Variants in MBD2 observed in about 807,000 individuals in gnomAD.
MBD2 encodes the protein methyl-CpG-binding domain protein 2.
Under a neutral mutation model 39.3 loss-of-function variants are expected in MBD2, and 9 were observed. That is an observed-to-expected ratio of 0.23 (90% CI 0.14 to 0.40). MBD2 has a LOEUF of 0.40. Among genes scored for constraint, MBD2 ranks in the 10% least tolerant of loss-of-function variants. The pLI, the probability that MBD2 is intolerant of heterozygous loss-of-function variation, is 1.00. For missense variants in MBD2, 458 were observed against 532.6 expected (o/e 0.86, Z 1.38); for synonymous variants, 233 against 211.1 (o/e 1.10, Z -0.90).
At chr18:54,218,621 A>C (rs1349777760) in intron 1 of MBD2, among the ~76,000 whole-genome samples, 2 of 152,024 alleles carry the variant, frequency 1.3e-5, no homozygotes, top group Admixed American at 6.5e-5. Context: ...GCTAACTCCC[A>C]ATCTGTAAAA....
At chr18:54,167,650 A>T (rs1308630246) in intron 3 of MBD2, among the ~76,000 whole-genome samples, 1 of 152,218 alleles carries the variant, frequency 6.6e-6, no homozygotes, top group Non-Finnish European at 1.5e-5. Context: ...TATTTATGTC[A>T]GAAGAGCAAT....
chr18:54,217,246 C>T (rs941290040), intron 1 of MBD2, among the ~76,000 whole-genome samples: 4 of 152,234 alleles, frequency 2.6e-5, no homozygotes, highest in Non-Finnish European at 5.9e-5. Context: ...TTATGTACAT[C>T]AAGTTCCCAA....
chr18:54,203,194 C>A, intron 2 of MBD2: 1 of 1,530,316 alleles, frequency 6.5e-7, no homozygotes, highest in Non-Finnish European at 8.9e-7. Flanking sequence ...CTGCACATTA[C>A]ACTTAACATA....
In MBD2 at chr18:54,177,827, C is replaced by CTTTTT. The variant is rs34113185; in HGVS notation, c.840+11042_840+11046dup. Among the ~76,000 whole-genome samples the CTTTTT allele has an allele frequency of 1.6e-3, 139 of 87,144 alleles. 1 individual carries two copies. Among genetic ancestry groups the CTTTTT allele is most frequent in the Non-Finnish European group, 2.0e-3 (97 of 48,388 alleles). The allele number at this position is 87,144 out of a possible 152,430, so 57.2% of individuals were successfully genotyped here. A position where few individuals can be genotyped will look rare whatever the true frequency, so the allele number is the denominator to read the frequency against. On this transcript the variant is annotated intron_variant, in intron 3 of 6. Coordinates refer to ENST00000256429, the MANE Select transcript of MBD2 (RefSeq NM_003927.5). ...ACAGGCACTATTTTTTTTTTCCTCT[C>CTTTTT]TTTTTTTTTTTTTTTTTTTTTTGAG...
intron 1 of MBD2, among the ~76,000 whole-genome samples, chr18:54,223,200 T>A (rs530645749): frequency 6.6e-6 from 1 of 152,206 alleles, no homozygotes; most frequent in African/African-American, 2.4e-5. Context: ...ACTGAAGACA[T>A]CAGCAGCATG....
chr18:54,158,671 G>A (rs1194128341), intron 6 of MBD2, among the ~76,000 whole-genome samples: 4 of 152,170 alleles, frequency 2.6e-5, no homozygotes, highest in African/African-American at 9.7e-5. Flanking sequence ...TCCCAGGCTG[G>A]AGTGTAGTGG....
chr18:54,171,119 T>G (rs2086176515), intron 3 of MBD2, among the ~76,000 whole-genome samples: 1 of 151,968 alleles, frequency 6.6e-6, no homozygotes, highest in South Asian at 2.1e-4. Context: ...AGAGTGGTAG[T>G]AGCCAGGTGT....
At chr18:54,181,587 C>T in intron 3 of MBD2, among the ~76,000 whole-genome samples, 1 of 152,110 alleles carries the variant, frequency 6.6e-6, no homozygotes, top group East Asian at 1.9e-4. Flanking sequence ...ACAACCTCCA[C>T]CTCCCAGGTT....
intron 6 of MBD2, 60 bp from the exon 7 acceptor site, chr18:54,155,371 G>A (rs2086045243): frequency 6.6e-6 from 1 of 151,268 alleles, no homozygotes; most frequent in Non-Finnish European, 1.5e-5. Context: ...TCAGGTGAGA[G>A]GTCAGCAATA....
In MBD2 at chr18:54,187,290, T is replaced by C. The variant is rs145655533; in HGVS notation, c.840+1584A>G. Among the ~76,000 whole-genome samples the C allele has an allele frequency of 7.0e-3, 1,064 of 152,340 alleles. 7 individuals are homozygous for C. The highest frequency in any genetic ancestry group is 0.023 in the African/African-American group (960 of 41,582). On this transcript the variant is annotated intron_variant, in intron 3 of 6. Transcript: ENST00000256429. The stretch of plus-strand genomic sequence containing the variant: ...TCAAATTTCCAACGTGGAATGATAT[T>C]ACTAATTAAAGATTACATTCCACCT...
intron 3 of MBD2, among the ~76,000 whole-genome samples, chr18:54,183,934 C>T (rs2086266898): frequency 6.6e-6 from 1 of 152,082 alleles, no homozygotes; most frequent in African/African-American, 2.4e-5. Flanking sequence ...TTGGAATTAG[C>T]TTTAGGCCAC....
intron 3 of MBD2, among the ~76,000 whole-genome samples, chr18:54,174,964 A>C (rs775800022): frequency 1.7e-4 from 26 of 152,210 alleles, no homozygotes; most frequent in Admixed American, 5.9e-4. Context: ...AATAGAACAG[A>C]CAGGTTTATT....
intron 3 of MBD2, among the ~76,000 whole-genome samples, chr18:54,178,666 G>A (rs1301415660): frequency 1.3e-5 from 2 of 152,136 alleles, no homozygotes; most frequent in East Asian, 3.9e-4. Flanking sequence ...TAAAAGAAAT[G>A]TTTTCTTATA....
intron 2 of MBD2, among the ~76,000 whole-genome samples, chr18:54,193,466 T>C (rs1017761736): frequency 2.2e-4 from 33 of 152,182 alleles, no homozygotes; most frequent in African/African-American, 7.2e-4. Context: ...AATGTGTATA[T>C]TAGGCTGAAA....
intron 5 of MBD2, among the ~76,000 whole-genome samples, chr18:54,160,447 C>T (rs2086088056): frequency 6.6e-6 from 1 of 151,860 alleles, no homozygotes; most frequent in Non-Finnish European, 1.5e-5. Context: ...CTACATGATC[C>T]TGCACACCGA....
At chr18:54,219,712 G>A (rs545865119) in intron 1 of MBD2, among the ~76,000 whole-genome samples, 2 of 152,370 alleles carry the variant, frequency 1.3e-5, no homozygotes, top group South Asian at 4.1e-4. Flanking sequence ...AAACCAAGGT[G>A]AGGGGAGGAG....
intron 1 of MBD2, among the ~76,000 whole-genome samples, chr18:54,208,272 C>T (rs1031583398): frequency 3.9e-5 from 6 of 152,134 alleles, no homozygotes; most frequent in Non-Finnish European, 5.9e-5. Context: ...GCAGGCAGAT[C>T]ACCTGAGTTC....
intron 1 of MBD2, among the ~76,000 whole-genome samples, chr18:54,210,990 G>C (rs1195216414): frequency 6.9e-6 from 1 of 145,704 alleles, no homozygotes; most frequent in Non-Finnish European, 1.5e-5. Context: ...TCCTGCCTCA[G>C]CCTCCCAAGT....
intron 1 of MBD2, among the ~76,000 whole-genome samples, chr18:54,209,558 T>C (rs1015334894): frequency 1.3e-5 from 2 of 152,202 alleles, no homozygotes; most frequent in African/African-American, 4.8e-5. Flanking sequence ...TACTGCTGCC[T>C]TCAGAAAACA....
Sources: gnomAD v4.1 joint callset for allele counts (sites outside exome capture counted in the v4.1 genomes callset) on GRCh38, gnomAD v4.1.1 for gene constraint, MANE v1.5 for transcripts, NCBI Gene and HGNC (gene_info 2026-07-23, HGNC 2026-07-21) for gene names.